The following KAZN variants were observed in gnomAD, a reference collection of about 807,000 sequenced individuals.
KAZN encodes the protein kazrin.
In KAZN, 40 loss-of-function variants were observed where a neutral mutation model predicts 87.4. The ratio of observed to expected loss-of-function variants is 0.46; its 90% confidence interval spans 0.36 to 0.60. The LOEUF is 0.60. Among genes scored for constraint, KAZN ranks in the 20% least tolerant of loss-of-function variants. KAZN has a pLI of 0.00. For synonymous variants in KAZN, 466 were observed against 458.3 expected, an observed-to-expected ratio of 1.02 and a Z score of -0.22; for missense variants, 898 against 1,073.9, an observed-to-expected ratio of 0.84 and a Z score of 2.29.
At chr1:13,921,365 T>C (rs779742769) in intron 1 of KAZN, among the ~76,000 whole-genome samples, 26 of 152,208 alleles carry the variant, frequency 1.7e-4, no homozygotes, top group Non-Finnish European at 2.5e-4. Context: ...TACTCAACTC[T>C]GTCATTGCAG....
At chr1:14,741,344 G>A (rs570198925) in intron 1 of KAZN, among the ~76,000 whole-genome samples, 124 of 152,342 alleles carry the variant, frequency 8.1e-4, no homozygotes, top group African/African-American at 2.4e-3. Context: ...GGGGCAGCTG[G>A]TGGCACAGGT....
intron 2 of KAZN, among the ~76,000 whole-genome samples, chr1:14,383,968 G>C (rs533078036): frequency 6.6e-6 from 1 of 152,092 alleles, no homozygotes; most frequent in South Asian, 2.1e-4. Context: ...TCTTCCATTT[G>C]TTTGTATCCT....
intron 1 of KAZN, among the ~76,000 whole-genome samples, chr1:14,068,175 G>A (rs1028935275): frequency 8.6e-5 from 13 of 151,998 alleles, no homozygotes; most frequent in Non-Finnish European, 1.5e-4. Context: ...AGAAACAAAC[G>A]AACAAAATTA....
chr1:14,763,332 G>A (rs1644795596), intron 1 of KAZN, among the ~76,000 whole-genome samples: 1 of 152,198 alleles, frequency 6.6e-6, no homozygotes, highest in Non-Finnish European at 1.5e-5. Context: ...TGTGTGTATG[G>A]TTTTGGTTGC....
intron 1 of KAZN, among the ~76,000 whole-genome samples, chr1:14,920,501 C>G (rs930875923): frequency 1.3e-5 from 2 of 151,952 alleles, no homozygotes; most frequent in Non-Finnish European, 1.5e-5. Context: ...CCAAATCCCC[C>G]CTTCCTGCTG....
At chr1:14,257,954 AACATT>A (rs1217761098) in intron 2 of KAZN, among the ~76,000 whole-genome samples, 2 of 136,574 alleles carry the variant, frequency 1.5e-5, no homozygotes, top group South Asian at 2.4e-4. Context: ...AAAAAAAAAA[AACATT>A]AAAAAAAAAA....
In KAZN at chr1:14,980,370, T is replaced by C. The variant is rs1467194225; in HGVS notation, c.418+19495T>C. Among the ~76,000 whole-genome samples the C allele has an allele frequency of 2.0e-5, 3 of 152,184 alleles. No individual in the cohort carries two copies. The East Asian group carries it at 5.8e-4, about 29-fold the overall frequency. The stretch of plus-strand genomic sequence containing the variant: ...CCGAGACAGACAGGATCTGTAGCCT[T>C]GCCCAGTGCTCAGGATCTGAGTAGG... On this transcript the variant is annotated intron_variant, in intron 2 of 14. Transcript: ENST00000376030.
At chr1:14,083,829 T>C (rs771783954) in intron 1 of KAZN, among the ~76,000 whole-genome samples, 10 of 152,256 alleles carry the variant, frequency 6.6e-5, no homozygotes, top group Non-Finnish European at 1.0e-4. Context: ...GCATTGTCCC[T>C]CTGATTACTT....
intron 3 of KAZN, among the ~76,000 whole-genome samples, chr1:15,039,181 C>T (rs150117308): frequency 1.0e-3 from 159 of 152,364 alleles, no homozygotes; most frequent in African/African-American, 3.6e-3. Context: ...CATCTCTTCA[C>T]ATTTGCTATT....
intron 1 of KAZN, among the ~76,000 whole-genome samples, chr1:14,796,511 G>A (rs929836451): frequency 4.6e-5 from 7 of 152,232 alleles, no homozygotes; most frequent in South Asian, 2.1e-4. Context: ...GTAGGTGTGC[G>A]CTACAGACTA....
chr1:14,100,633 T>C (rs1644228903), intron 1 of KAZN, among the ~76,000 whole-genome samples: 1 of 152,146 alleles, frequency 6.6e-6, no homozygotes, highest in African/African-American at 2.4e-5. Flanking sequence ...GCCCAGGGCT[T>C]TGTTGGGGGC....
intron 2 of KAZN, among the ~76,000 whole-genome samples, chr1:14,367,826 T>C (rs980076876): frequency 6.6e-6 from 1 of 152,206 alleles, no homozygotes; most frequent in African/African-American, 2.4e-5. Flanking sequence ...CACACTCACC[T>C]GTGCTTCCAT....
At chr1:14,237,794 T>C (rs997942244) in intron 2 of KAZN, among the ~76,000 whole-genome samples, 4 of 152,146 alleles carry the variant, frequency 2.6e-5, no homozygotes, top group African/African-American at 9.7e-5. Context: ...GGTCACGGAC[T>C]GTATCATGAC....
At chr1:14,178,411 T>C (rs1415804139) in intron 1 of KAZN, among the ~76,000 whole-genome samples, 4 of 152,362 alleles carry the variant, frequency 2.6e-5, no homozygotes, top group Middle Eastern at 3.4e-3. Flanking sequence ...TGGATAGTTT[T>C]ATTGCTATGA....
chr1:14,836,359 G>A (rs1321931984), intron 1 of KAZN, among the ~76,000 whole-genome samples: 1 of 152,170 alleles, frequency 6.6e-6, no homozygotes, highest in African/African-American at 2.4e-5. Context: ...GACAGACTGG[G>A]GAGTGGGTGG....
At chr1:14,576,327 TGGATGGAC>T (rs1675180801) in intron 2 of KAZN, among the ~76,000 whole-genome samples, 1 of 148,970 alleles carries the variant, frequency 6.7e-6, no homozygotes, top group African/African-American at 2.5e-5. Context: ...GATGGATGGA[TGGATGGAC>T]GGACAGATAA....
chr1:14,291,778 G>A (rs1653712584), intron 2 of KAZN, among the ~76,000 whole-genome samples: 1 of 152,146 alleles, frequency 6.6e-6, no homozygotes, highest in Admixed American at 6.5e-5. Context: ...AATCACACTG[G>A]GAGCAGCAGA....
In KAZN at chr1:14,427,513, AACAC is replaced by A. The variant is rs141037257; in HGVS notation, c.250-171452_250-171449del. On this transcript the variant is annotated intron_variant, in intron 2 of 16. Coordinates refer to the KAZN transcript ENST00000636203. Reference sequence around the variant, plus strand: ...GTAAAAAACAAATACCTATAATTTAAACACACACACACACACACACAGTATACAT... The same window carrying A: ...GTAAAAAACAAATACCTATAATTTAAACACACACACACACACAGTATACAT... Among the ~76,000 whole-genome samples the A allele has an allele frequency of 1.3e-4, 20 of 150,404 alleles. No homozygotes were observed. In the South Asian group the frequency reaches 1.9e-3, roughly 14 times the overall value.
chr1:14,936,967 C>A (rs1349259175), intron 1 of KAZN, among the ~76,000 whole-genome samples: 1 of 152,232 alleles, frequency 6.6e-6, no homozygotes, highest in South Asian at 2.1e-4. Context: ...CATTCCTACC[C>A]TTCACCTTGC....
Sources: allele counts gnomAD v4.1 joint callset (sites outside exome capture counted in the v4.1 genomes callset), GRCh38; gene constraint gnomAD v4.1.1; transcripts MANE v1.5; gene names NCBI Gene and HGNC (gene_info 2026-07-23, HGNC 2026-07-21).